DSC3: variants seen among roughly 807,000 people sequenced by gnomAD.
DSC3 encodes the protein desmocollin-3.
In DSC3, 97 loss-of-function variants were observed where a neutral mutation model predicts 89.5. The observed-to-expected ratio is 1.08, with a 90% CI of 0.92 to 1.28. The LOEUF is 1.28. DSC3 is among the 50% of genes most tolerant of loss of function. The pLI, the probability that DSC3 is intolerant of heterozygous loss-of-function variation, is 0.00. For missense variants in DSC3, 1,199 were observed against 1,085.3 expected, an observed-to-expected ratio of 1.10 and a Z score of -1.47; for synonymous variants, 436 against 384.1, an observed-to-expected ratio of 1.14 and a Z score of -1.58.
At chr18:31,012,559 C>A (rs897444492) in intron 9 of DSC3, among the ~76,000 whole-genome samples, 5 of 152,158 alleles carry the variant, frequency 3.3e-5, no homozygotes, top group Non-Finnish European at 5.9e-5. Flanking sequence ...GTATGGACTG[C>A]AGCATGTTAT....
chr18:31,019,658 T>G lies in DSC3; in HGVS notation c.943-858A>C, dbSNP rs547125879. ...AAAATAAAAATTTAGCTGGGCATGG[T>G]GGTATGTGTCCGTACTCCCAAGCTA... On this transcript the variant is annotated intron_variant, in intron 7 of 15. Coordinates refer to ENST00000360428, the MANE Select transcript of DSC3 (RefSeq NM_001941.5). Among the ~76,000 whole-genome samples the G allele has an allele frequency of 2.6e-5, 4 of 152,134 alleles. No individual in the cohort carries two copies. In the South Asian group the frequency reaches 6.2e-4, roughly 24 times the overall value.
intron 15 of DSC3, chr18:30,994,623 C>A: frequency 4.4e-6 from 3 of 676,708 alleles, no homozygotes; most frequent in Non-Finnish European, 7.2e-6. Flanking sequence ...TAAGTACATT[C>A]AAGTTGTCAT....
chr18:31,027,885 C>A (rs1461617248), intron 4 of DSC3, among the ~76,000 whole-genome samples: 3 of 152,044 alleles, frequency 2.0e-5, no homozygotes, highest in African/African-American at 7.2e-5. Flanking sequence ...ATGTTTTCTG[C>A]AGCTTAAACC....
intron 5 of DSC3, 110 bp downstream of exon 5, chr18:31,025,650 G>C: frequency 1.7e-6 from 2 of 1,200,078 alleles, no homozygotes; most frequent in Non-Finnish European, 2.5e-6. Context: ...TTGACTCTAA[G>C]ATACCCTCTA....
In DSC3 at chr18:30,991,938, G is replaced by A. The variant is rs1204598273; in HGVS notation, c.*2237C>T. On this transcript the variant is annotated 3_prime_UTR_variant, in exon 16 of 16. Transcript: ENST00000360428. ...CCCAGCACTTTGGGAGGCCGAGGCA[G>A]GCGGATCACGAGGTCAGGAGATCGA... The A allele has an allele frequency of 6.6e-6, 1 of 152,166 alleles. No homozygotes were observed. Among genetic ancestry groups the A allele is most frequent in the Non-Finnish European group, 1.5e-5 (1 of 68,072 alleles). 9.4% of individuals were successfully genotyped at this position (152,166 alleles called of 1,614,324 possible).
At chr18:31,030,889 A>G in intron 3 of DSC3, 84 bp downstream of exon 3, 1 of 1,260,526 alleles carries the variant, frequency 7.9e-7, no homozygotes, top group South Asian at 1.3e-5. Context: ...AAAATACCCT[A>G]TTTATCCTTG....
At chr18:31,019,275 G>A (rs1985339812) in intron 7 of DSC3, among the ~76,000 whole-genome samples, 1 of 152,044 alleles carries the variant, frequency 6.6e-6, no homozygotes, top group Admixed American at 6.6e-5. Context: ...TATTTTTGTA[G>A]AGACGGGGTT....
At chr18:30,995,732 GAGGCCA>G (rs947457759) in intron 15 of DSC3, among the ~76,000 whole-genome samples, 1 of 152,054 alleles carries the variant, frequency 6.6e-6, no homozygotes, top group Non-Finnish European at 1.5e-5. Context: ...GGCACTTTGG[GAGGCCA>G]AGGTGGGTGG....
intron 15 of DSC3, among the ~76,000 whole-genome samples, chr18:30,996,361 G>A (rs1286335041): frequency 6.6e-6 from 1 of 152,022 alleles, no homozygotes; most frequent in Non-Finnish European, 1.5e-5. Context: ...TTTGCAATAA[G>A]ATAAAAATAT....
At chr18:31,005,592 A>T (rs1984811494) in intron 12 of DSC3, among the ~76,000 whole-genome samples, 1 of 152,184 alleles carries the variant, frequency 6.6e-6, no homozygotes, top group South Asian at 2.1e-4. Context: ...ACATGGATAT[A>T]CTTATTCTCC....
chr18:31,032,466 C>T (rs1007006787), intron 1 of DSC3, among the ~76,000 whole-genome samples, 190 bp from the exon 2 acceptor site: 5 of 152,074 alleles, frequency 3.3e-5, no homozygotes, highest in Admixed American at 3.3e-4. Context: ...CAACTAACTT[C>T]ATATTTAAAG....
At chr18:31,015,333 A>T (rs1361734046) in intron 9 of DSC3, among the ~76,000 whole-genome samples, 2 of 152,164 alleles carry the variant, frequency 1.3e-5, no homozygotes, top group African/African-American at 4.8e-5. Flanking sequence ...CATGTCAGTC[A>T]CATGGAATGA....
Position 30,990,411 on chromosome 18 carries a change from T to G in DSC3, c.*3764A>C, listed in dbSNP as rs930086274. ...GGTATTTTACTATTACAAACAAAAA[T>G]CCAATGAACATTCTTGAAGACATAC... On this transcript the variant is annotated 3_prime_UTR_variant, in exon 16 of 16. Coordinates refer to ENST00000360428, the MANE Select transcript of DSC3 (RefSeq NM_001941.5). The G allele has an allele frequency of 1.3e-5, 2 of 152,124 alleles. No homozygotes were observed. Among genetic ancestry groups the G allele is most frequent in the African/African-American group, 4.8e-5 (2 of 41,432 alleles). The allele number at this position is 152,124 out of a possible 1,614,324, so 9.4% of individuals were successfully genotyped here. A position where few individuals can be genotyped will look rare whatever the true frequency, so the allele number is the denominator to read the frequency against.
intron 9 of DSC3, among the ~76,000 whole-genome samples, chr18:31,012,147 G>A (rs1433070284): frequency 6.6e-6 from 1 of 152,022 alleles, no homozygotes; most frequent in East Asian, 1.9e-4. Flanking sequence ...ACACAACATG[G>A]CAAAAGCAAA....
intron 3 of DSC3, 129 bp from the exon 4 acceptor site, chr18:31,029,757 C>A: frequency 1.7e-6 from 2 of 1,156,962 alleles, no homozygotes; most frequent in Non-Finnish European, 1.3e-6. Context: ...CATGCTGGAG[C>A]TAAACCAGTT....
rs1466603851 is a variant in DSC3 at position 31,008,412 on chromosome 18, T to G, written c.1377A>C (p.Thr459=). The change falls in exon 10 of 16, where the codon ACA becomes ACC. Residue 459 remains threonine (T), a synonymous_variant. Transcript: ENST00000360428. ...RVTALNRALV[T]VHVRDLDEGP... ...CCTCATCCAGATCCCTCACATGAAC[T>G]GTAACCAAGGCTCTGTTCAAGGCTG... 2.5e-6 allele frequency: 4 copies of G among 1,614,198 alleles called. No individual in the cohort carries two copies. The highest frequency in any genetic ancestry group is 2.5e-6 in the Non-Finnish European group (3 of 1,180,030).
Position 30,994,353 on chromosome 18 carries a change from T to C in DSC3, c.2513A>G (p.Gln838Arg), listed in dbSNP as rs1369080228. 8.7e-6 allele frequency: 14 copies of C among 1,613,980 alleles called. No individual in the cohort carries two copies. The highest frequency in any genetic ancestry group is 1.2e-5 in the Non-Finnish European group (14 of 1,179,940). Residue 838 changes from glutamine to arginine, a missense_variant, in exon 16 of 16, where the codon CAG becomes CGG. Gln to Arg is a conservative substitution (Grantham distance 43, BLOSUM62 1). Transcript: ENST00000360428. ...TTGGGATGGCATGCGGTCTTCATTCTGATTACATCGATGCAATTTCTGTAA... is the reference window on the plus strand; with the variant it reads ...TTGGGATGGCATGCGGTCTTCATTCCGATTACATCGATGCAATTTCTGTAA... Reference protein sequence around the residue: ...RLGEKLHRCNQNEDRMPSQDY... With the variant: ...RLGEKLHRCNRNEDRMPSQDY...
Position 31,022,355 on chromosome 18 carries a change from G to A in DSC3, c.923C>T (p.Ser308Phe), listed in dbSNP as rs748398412. 5 of 1,613,854 alleles carry A rather than the reference G, an allele frequency of 3.1e-6. 1 individual carries two copies. The East Asian group carries it at 1.1e-4, about 36-fold the overall frequency. ...HPSTGVITTV[S>F]HYLDREVVDK... ...AGCTACCTCTCTGTCCAAATAATGAGAGACTGTGGTGATTACGCCTGTGCT... is the reference window on the plus strand; with the variant it reads ...AGCTACCTCTCTGTCCAAATAATGAAAGACTGTGGTGATTACGCCTGTGCT... Residue 308 changes from serine to phenylalanine, a missense_variant, in exon 7 of 16, where the codon TCT becomes TTT. Ser to Phe is a radical substitution (Grantham distance 155). Coordinates refer to ENST00000360428, the MANE Select transcript of DSC3 (RefSeq NM_001941.5).
intron 1 of DSC3, among the ~76,000 whole-genome samples, chr18:31,037,668 G>A (rs1042222132): frequency 2.6e-5 from 4 of 152,292 alleles, no homozygotes; most frequent in African/African-American, 4.8e-5. Context: ...CTGGGAGGCC[G>A]AGGCAGGCGG....
Sources: gnomAD v4.1 joint callset for allele counts (sites outside exome capture counted in the v4.1 genomes callset) on GRCh38, gnomAD v4.1.1 for gene constraint, MANE v1.5 for transcripts, NCBI Gene and HGNC (gene_info 2026-07-23, HGNC 2026-07-21) for gene names.